The following MFF variants were observed in gnomAD, a reference collection of about 807,000 sequenced individuals.
The protein encoded by MFF is chromosome 2 open reading frame 33.
A neutral mutation model predicts 36.9 loss-of-function variants in MFF; 12 were observed. The ratio of observed to expected loss-of-function variants is 0.33; its 90% CI spans 0.21 to 0.53. The LOEUF (loss-of-function observed/expected upper bound fraction) is 0.53, where lower values mean the gene tolerates loss of function less well. MFF is among the 20% of genes least tolerant of loss of function. The pLI is 0.95. For missense variants in MFF, 348 were observed against 366.6 expected (o/e 0.95, Z 0.42); for synonymous variants, 99 against 126.2 (o/e 0.78, Z 1.44).
intron 5 of MFF, chr2:227,342,930 C>T: frequency 1.2e-6 from 1 of 835,666 alleles, no homozygotes; most frequent in Non-Finnish European, 1.8e-6. Flanking sequence ...TAATTATCTT[C>T]CTGTTTGGCT....
chr2:227,336,886 G>T (rs746967735), intron 4 of MFF, among the ~76,000 whole-genome samples: 5 of 152,206 alleles, frequency 3.3e-5, no homozygotes, highest in Admixed American at 6.5e-5. Context: ...ATAGCTATAT[G>T]ACATATCCTA....
intron 6 of MFF, among the ~76,000 whole-genome samples, chr2:227,349,644 T>C (rs555625907): frequency 6.6e-6 from 1 of 152,254 alleles, no homozygotes; most frequent in South Asian, 2.1e-4. Flanking sequence ...AGGATCTCAG[T>C]GTTGAGCAAG....
intron 8 of MFF, 48 bp downstream of exon 8, chr2:227,355,809 A>G (rs1490678079): frequency 8.4e-7 from 1 of 1,195,862 alleles, no homozygotes; most frequent in South Asian, 1.3e-5. Flanking sequence ...TATTCATACA[A>G]TATTTTAAAG....
chr2:227,338,359 C>T (rs867523564), intron 4 of MFF, among the ~76,000 whole-genome samples: 2 of 16,578 alleles, frequency 1.2e-4, no homozygotes, highest in Non-Finnish European at 4.4e-4. Context: ...AACAGAGTGA[C>T]ACTCTGTCTC....
chr2:227,352,624 T>G, intron 7 of MFF, 51 bp downstream of exon 7: 4 of 1,488,762 alleles, frequency 2.7e-6, no homozygotes, highest in Non-Finnish European at 3.7e-6. Context: ...GCGGAATTTG[T>G]GTGTTGCAGG....
intron 6 of MFF, chr2:227,352,004 T>A (rs2076020695): frequency 6.5e-6 from 1 of 152,884 alleles, no homozygotes; most frequent in African/African-American, 2.4e-5. Context: ...CTACTCAAAA[T>A]TAATGAGGTG....
At chr2:227,330,327 T>A in intron 2 of MFF, 1 of 255,176 alleles carries the variant, frequency 3.9e-6, no homozygotes, top group East Asian at 7.8e-5. Flanking sequence ...AGCATGCATG[T>A]TTACGCAGAG....
chr2:227,351,606 T>C (rs1041202146), intron 6 of MFF: 10 of 152,224 alleles, frequency 6.6e-5, no homozygotes, highest in Non-Finnish European at 1.2e-4. Flanking sequence ...CCAGTCTCCT[T>C]TCTCTGCTTA....
At chr2:227,337,289 T>A (rs1239065284) in intron 4 of MFF, among the ~76,000 whole-genome samples, 1 of 152,246 alleles carries the variant, frequency 6.6e-6, no homozygotes, top group Non-Finnish European at 1.5e-5. Flanking sequence ...TCCCCATGAT[T>A]CGTGATTTTA....
chr2:227,342,861 G>C, intron 5 of MFF: 1 of 1,484,796 alleles, frequency 6.7e-7, no homozygotes, highest in African/African-American at 1.4e-5. Flanking sequence ...TAGTTGTTTT[G>C]ATTTTGAAGG....
intron 1 of MFF, among the ~76,000 whole-genome samples, chr2:227,328,276 T>A (rs1247083639): frequency 7.5e-6 from 1 of 132,492 alleles, no homozygotes; most frequent in Non-Finnish European, 1.5e-5. Context: ...GAAGCTCCAT[T>A]GCAATCTAGC....
Position 227,330,675 on chromosome 2 carries a change from A to G in MFF, c.10A>G (p.Ile4Val). ...TCCCACTGCTGCTGAGATGGCAGAA[A>G]TTAGTCGAATTCAGTACGAAATGGA... MAE[I>V]SRIQYEMEYT... Residue 4 changes from isoleucine to valine, a missense_variant, in exon 3 of 9, where the codon ATT (isoleucine) becomes GTT (valine). Physicochemically the swap from Ile to Val is conservative, Grantham distance 29. Coordinates refer to ENST00000304593, the MANE Select transcript of MFF (RefSeq NM_001277062.2). 6.2e-7 allele frequency: 1 copy of G among 1,614,136 alleles called. No homozygotes were observed. The highest frequency in any genetic ancestry group is 2.2e-5 in the East Asian group (1 of 44,878).
At chr2:227,347,051 A>T in intron 5 of MFF, 175 bp from the exon 6 acceptor site, 1 of 547,036 alleles carries the variant, frequency 1.8e-6, no homozygotes. Context: ...CCTTGTAGCT[A>T]GTTTTTGGAA....
chr2:227,352,486 T>G (rs181953009), intron 6 of MFF, 28 bp from the exon 7 acceptor site: 1 of 1,507,092 alleles, frequency 6.6e-7, no homozygotes, highest in East Asian at 2.3e-5. Context: ...TTCTGTCTTG[T>G]GCCTTCTCCC....
Position 227,352,569 on chromosome 2 carries a change from G to A in MFF, c.655G>A (p.Val219Ile), listed in dbSNP as rs951534982. Residue 219 changes from valine to isoleucine, a missense_variant, in exon 7 of 9, where the codon GTC becomes ATC. Coordinates refer to ENST00000304593, the MANE Select transcript of MFF (RefSeq NM_001277062.2). ...CACTTCTAATCCTCATCATGACAAC[G>A]TCAGGTAAATTTTGAGACTTCGTAA... ...AATSNPHHDN[V>I]RYGISNIDTT... 5 of 1,613,410 alleles carry A rather than the reference G, an allele frequency of 3.1e-6. No individual in the cohort carries two copies. The highest frequency in any genetic ancestry group is 2.2e-5 in the South Asian group (2 of 91,078).
chr2:227,333,320 G>C (rs1054830348), intron 4 of MFF, among the ~76,000 whole-genome samples: 5 of 152,122 alleles, frequency 3.3e-5, no homozygotes, highest in Admixed American at 2.0e-4. Context: ...ATACTGTCTA[G>C]GGCAATGCAA....
At chr2:227,326,382 C>G (rs78904054) in intron 1 of MFF, among the ~76,000 whole-genome samples, 4,813 of 151,254 alleles carry the variant, frequency 0.032, 142 homozygotes, top group Admixed American at 0.044. Context: ...CTAATGAGAG[C>G]CCAAAAGAAA....
chr2:227,332,612 G>A (rs752605138), intron 4 of MFF, 24 bp downstream of exon 4: 21 of 1,552,732 alleles, frequency 1.4e-5, no homozygotes, highest in East Asian at 9.1e-5. Context: ...TAGTATCACC[G>A]GAATTTGAAA....
chr2:227,326,939 G>A (rs1458602231), intron 1 of MFF, among the ~76,000 whole-genome samples: 2 of 152,172 alleles, frequency 1.3e-5, no homozygotes, highest in Non-Finnish European at 2.9e-5. Flanking sequence ...AGTTGGGCTG[G>A]AATCATTGTG....
Sources: allele counts gnomAD v4.1 joint callset (sites outside exome capture counted in the v4.1 genomes callset), GRCh38; gene constraint gnomAD v4.1.1; transcripts MANE v1.5; gene names NCBI Gene and HGNC (gene_info 2026-07-23, HGNC 2026-07-21).